Variants in ZNF438 observed in about 807,000 individuals in gnomAD.
ZNF438 encodes zinc finger protein 438.
A neutral mutation model predicts 38.0 loss-of-function variants in ZNF438; 25 were observed. The observed-to-expected ratio is 0.66, with a 90% CI of 0.48 to 0.92. ZNF438 has a LOEUF of 0.92. Ranked by LOEUF, ZNF438 falls within the 40% of genes least tolerant of loss-of-function variation. The probability of loss-of-function intolerance (pLI) is 0.00; values close to 1 mark genes in which losing one functional copy is unlikely to be tolerated. For synonymous variants in ZNF438, 372 were observed against 364.1 expected (o/e 1.02, Z -0.25); for missense variants, 1,007 against 999.6 (o/e 1.01, Z -0.10).
intron 3 of ZNF438, among the ~76,000 whole-genome samples, chr10:30,890,270 G>A (rs1340903522): frequency 6.6e-6 from 1 of 152,176 alleles, no homozygotes; most frequent in Non-Finnish European, 1.5e-5. Flanking sequence ...GAATGTTTAA[G>A]AGGGCATTTT....
At chr10:30,868,390 A>T (rs535452250) in intron 4 of ZNF438, among the ~76,000 whole-genome samples, 1 of 152,096 alleles carries the variant, frequency 6.6e-6, no homozygotes, top group Non-Finnish European at 1.5e-5. Context: ...TTTTTAAACA[A>T]AAAGTATTCA....
chr10:31,026,661 A>G (rs1408060495), intron 1 of ZNF438, among the ~76,000 whole-genome samples: 1 of 152,172 alleles, frequency 6.6e-6, no homozygotes, highest in East Asian at 1.9e-4. Flanking sequence ...AACTAGTTCA[A>G]ACACTGTGGA....
rs1173113359 is a variant in ZNF438 at position 30,845,137 on chromosome 10, A to G, written c.2311T>C (p.Trp771Arg). The change falls in exon 6 of 6, where the codon TGG (tryptophan) becomes CGG (arginine). Residue 771 changes from tryptophan (W) to arginine (R), a missense_variant. Trp to Arg is a moderately radical substitution (Grantham distance 101, BLOSUM62 -3). Coordinates refer to ENST00000413025, the Ensembl canonical transcript of ZNF438. ...AGGCAGTTAAAGCCTGAATGGGACC[A>G]CAAGAGAAACGTGTGGAGGCCAGGA... 1.1e-5 allele frequency: 17 copies of G among 1,614,094 alleles called. No homozygotes were observed. The highest frequency in any genetic ancestry group is 1.4e-5 in the Non-Finnish European group (16 of 1,180,046).
At chr10:30,987,984 A>G (rs2136636034) in intron 1 of ZNF438, among the ~76,000 whole-genome samples, 1 of 152,360 alleles carries the variant, frequency 6.6e-6, no homozygotes, top group Non-Finnish European at 1.5e-5. Context: ...ATGTACTAGA[A>G]TAAAATGAAC....
chr10:31,014,196 G>A (rs78300801), intron 1 of ZNF438, among the ~76,000 whole-genome samples: 12,196 of 152,172 alleles, frequency 0.08, 594 homozygotes, highest in Non-Finnish European at 0.11. Context: ...CTCTAATCAT[G>A]TCATGTCACA....
At chr10:31,013,094 C>T (rs891577177) in intron 1 of ZNF438, among the ~76,000 whole-genome samples, 3 of 151,912 alleles carry the variant, frequency 2.0e-5, no homozygotes, top group South Asian at 2.1e-4. Context: ...CCGAGGCGGG[C>T]GGATCACGAG....
In ZNF438 at chr10:30,914,594, A is replaced by T. The variant is rs1310251688; in HGVS notation, c.-114-5579T>A. ...TATTATCTCTTGTAACTGCATGCAA[A>T]TTTACAATTATCCCAAACTTAAAAG... On this transcript the variant is annotated intron_variant, in intron 2 of 5. Coordinates refer to ENST00000413025, the Ensembl canonical transcript of ZNF438. 3.9e-5 allele frequency among the ~76,000 whole-genome samples: 6 copies of T among 152,096 alleles called. No individual in the cohort carries two copies. The East Asian group carries it at 9.6e-4, about 24-fold the overall frequency.
At chr10:30,972,027 T>C (rs985729737) in intron 1 of ZNF438, among the ~76,000 whole-genome samples, 2 of 151,808 alleles carry the variant, frequency 1.3e-5, no homozygotes, top group African/African-American at 2.4e-5. Flanking sequence ...TGGAGTGCAG[T>C]GGCACAATCT....
At chr10:30,948,771 T>A (rs1289010044) in intron 1 of ZNF438, among the ~76,000 whole-genome samples, 4 of 151,480 alleles carry the variant, frequency 2.6e-5, no homozygotes, top group Non-Finnish European at 5.9e-5. Context: ...AATCTACATC[T>A]GATTGGTGTA....
At chr10:31,007,825 T>G in intron 1 of ZNF438, among the ~76,000 whole-genome samples, 1 of 152,206 alleles carries the variant, frequency 6.6e-6, no homozygotes, top group Non-Finnish European at 1.5e-5. Flanking sequence ...GAAAGAACAC[T>G]GACTCAGTTC....
chr10:30,973,729 T>C (rs572057781), intron 1 of ZNF438, among the ~76,000 whole-genome samples: 1 of 152,300 alleles, frequency 6.6e-6, no homozygotes, highest in South Asian at 2.1e-4. Flanking sequence ...TGTCCAGTCT[T>C]TTCTGTGCTG....
chr10:30,928,969 A>C (rs1232051781), intron 2 of ZNF438, among the ~76,000 whole-genome samples: 2 of 152,146 alleles, frequency 1.3e-5, no homozygotes, highest in African/African-American at 2.4e-5. Context: ...TCTGGTACTA[A>C]GTTACTGTAT....
At chr10:30,885,431 T>A (rs996681719) in intron 3 of ZNF438, among the ~76,000 whole-genome samples, 14 of 152,348 alleles carry the variant, frequency 9.2e-5, no homozygotes, top group Non-Finnish European at 1.6e-4. Context: ...CTAGATTGTA[T>A]TCTACACTGT....
intron 1 of ZNF438, among the ~76,000 whole-genome samples, chr10:30,981,603 C>T (rs1340108334): frequency 7.9e-5 from 12 of 152,134 alleles, no homozygotes; most frequent in East Asian, 1.9e-4. Context: ...TCAGGCCGGG[C>T]GTGATGGCTC....
chr10:30,995,959 A>G (rs1211721995), intron 1 of ZNF438, among the ~76,000 whole-genome samples: 2 of 152,222 alleles, frequency 1.3e-5, no homozygotes, highest in Non-Finnish European at 2.9e-5. Context: ...CATCAATAAT[A>G]GCAGAAAAAG....
chr10:30,921,430 C>T (rs1467666165), intron 2 of ZNF438, among the ~76,000 whole-genome samples: 2 of 152,098 alleles, frequency 1.3e-5, no homozygotes, highest in Non-Finnish European at 2.9e-5. Flanking sequence ...TCTTAAAAGT[C>T]TTTTAAGTAT....
chr10:30,940,767 A>C (rs188288114), intron 2 of ZNF438, among the ~76,000 whole-genome samples: 1 of 152,350 alleles, frequency 6.6e-6, no homozygotes, highest in Non-Finnish European at 1.5e-5. Flanking sequence ...GGAGATCACT[A>C]TAAGAGTTGA....
At chr10:30,995,983 T>C (rs1344093671) in intron 1 of ZNF438, among the ~76,000 whole-genome samples, 1 of 152,068 alleles carries the variant, frequency 6.6e-6, no homozygotes, top group Non-Finnish European at 1.5e-5. Context: ...GGGAAGGAAA[T>C]GGAGCTAACA....
intron 3 of ZNF438, among the ~76,000 whole-genome samples, chr10:30,901,479 C>G (rs1377479146): frequency 6.6e-6 from 1 of 151,902 alleles, no homozygotes; most frequent in Non-Finnish European, 1.5e-5. Flanking sequence ...TCCCAGAAAG[C>G]CTGACACCTC....
Sources: allele counts gnomAD v4.1 joint callset (sites outside exome capture counted in the v4.1 genomes callset), GRCh38; gene constraint gnomAD v4.1.1; transcripts MANE v1.5; gene names NCBI Gene and HGNC (gene_info 2026-07-23, HGNC 2026-07-21).